CERKL: variants seen among roughly 807,000 people sequenced by gnomAD.
The protein encoded by CERKL is ceramide kinase-like protein.
Under a neutral mutation model 63.4 loss-of-function variants are expected in CERKL, and 61 were observed. That is an observed-to-expected ratio of 0.96 (90% CI 0.78 to 1.19). The LOEUF (loss-of-function observed/expected upper bound fraction) is 1.19. Ranked by LOEUF, CERKL falls within the 50% of genes most tolerant of loss-of-function variation. The pLI, the probability that CERKL is intolerant of heterozygous loss-of-function variation, is 0.00. For synonymous variants in CERKL, 250 were observed against 230.5 expected, an observed-to-expected ratio of 1.08 and a Z score of -0.77; for missense variants, 675 against 655.5, an observed-to-expected ratio of 1.03 and a Z score of -0.33.
intron 1 of CERKL, among the ~76,000 whole-genome samples, chr2:181,654,695 T>A (rs1283739149): frequency 3.3e-5 from 5 of 152,204 alleles, no homozygotes; most frequent in Admixed American, 1.3e-4. Flanking sequence ...ACCACTCACA[T>A]CTAAGCTTAT....
chr2:181,609,693 C>T (rs1262752237), intron 1 of CERKL, among the ~76,000 whole-genome samples: 1 of 151,724 alleles, frequency 6.6e-6, no homozygotes, highest in African/African-American at 2.4e-5. Flanking sequence ...GTGACTGAAA[C>T]TCTGTCTCTA....
chr2:181,541,113 G>A (rs1021654790), intron 11 of CERKL, among the ~76,000 whole-genome samples: 2 of 152,150 alleles, frequency 1.3e-5, no homozygotes, highest in South Asian at 2.1e-4. Context: ...AACTATATTT[G>A]GAGATAAGAT....
chr2:181,594,247 TAC>T (rs1685104096), intron 2 of CERKL, among the ~76,000 whole-genome samples: 1 of 152,226 alleles, frequency 6.6e-6, no homozygotes, highest in Non-Finnish European at 1.5e-5. Flanking sequence ...TAAGAAGAGT[TAC>T]AGTCTTCTTA....
chr2:181,629,473 C>T (rs1686857132), intron 1 of CERKL, among the ~76,000 whole-genome samples: 1 of 152,030 alleles, frequency 6.6e-6, no homozygotes, highest in East Asian at 1.9e-4. Flanking sequence ...CCTGGTAATC[C>T]TAAGAACTTT....
At chr2:181,545,218 A>G (rs762705412) in intron 10 of CERKL, among the ~76,000 whole-genome samples, 1 of 152,250 alleles carries the variant, frequency 6.6e-6, no homozygotes, top group Non-Finnish European at 1.5e-5. Flanking sequence ...CTAAAGTGTG[A>G]TTTAAATATT....
At chr2:181,644,745 G>A (rs1687597241) in intron 1 of CERKL, among the ~76,000 whole-genome samples, 1 of 152,106 alleles carries the variant, frequency 6.6e-6, no homozygotes, top group Non-Finnish European at 1.5e-5. Flanking sequence ...CAGTATAGGA[G>A]ATCCAATTAT....
rs146809071 is a variant in CERKL, at chr2:181,576,652, G to A, written c.482-2768C>T. The stretch of plus-strand genomic sequence containing the variant: ...GAAAGAAACACTCTGGCTGCTTTGC[G>A]GAAAGTAGATAAAGTAGGGCCAAGG... On this transcript the variant is annotated intron_variant, in intron 2 of 12. Transcript: ENST00000410087. 5.3e-3 allele frequency among the ~76,000 whole-genome samples: 803 copies of A among 152,286 alleles called. 22 individuals carry two copies. Among genetic ancestry groups the A allele is most frequent in the Admixed American group, 0.046 (698 of 15,298 alleles).
rs1426897832 is a variant in CERKL at position 181,657,008 on chromosome 2, G to A, written c.-2C>T. The A allele has an allele frequency of 5.7e-6, 9 of 1,578,962 alleles. No homozygotes were observed. The highest frequency in any genetic ancestry group is 2.7e-5 in the African/African-American group (2 of 73,954). On this transcript the variant is annotated 5_prime_UTR_variant, in exon 1 of 13. Transcript: ENST00000410087. ...GTTCCTGCGCCTCCTCCAGGGCATG[G>A]CGGAGTCGCAGGCTGGGCCCGAGCC...
intron 1 of CERKL, among the ~76,000 whole-genome samples, chr2:181,616,874 T>C (rs2105912280): frequency 6.6e-6 from 1 of 152,348 alleles, no homozygotes; most frequent in Middle Eastern, 3.4e-3. Flanking sequence ...GTGAATTAAG[T>C]AAATCTTTTC....
At chr2:181,655,862 TG>T (rs1409314050) in intron 1 of CERKL, among the ~76,000 whole-genome samples, 1 of 152,238 alleles carries the variant, frequency 6.6e-6, no homozygotes, top group Non-Finnish European at 1.5e-5. Flanking sequence ...CCATTTCATC[TG>T]TCTTTCACCG....
intron 1 of CERKL, among the ~76,000 whole-genome samples, chr2:181,632,594 C>T (rs762770135): frequency 6.6e-6 from 1 of 152,166 alleles, no homozygotes; most frequent in African/African-American, 2.4e-5. Context: ...ATTTTCTTCA[C>T]CCCCACGATA....
chr2:181,543,395 T>A (rs17226637), intron 11 of CERKL, among the ~76,000 whole-genome samples: 34,618 of 152,130 alleles, frequency 0.23, 4,707 homozygotes, highest in Non-Finnish European at 0.31. Flanking sequence ...ACCTACATTA[T>A]ACCTGCTGAT....
intron 3 of CERKL, among the ~76,000 whole-genome samples, chr2:181,573,120 TAA>T (rs746464764): frequency 2.6e-5 from 4 of 152,158 alleles, no homozygotes; most frequent in South Asian, 2.1e-4. Flanking sequence ...CATACGAAAA[TAA>T]GTCTCAAAGA....
intron 1 of CERKL, among the ~76,000 whole-genome samples, chr2:181,655,102 A>T (rs889223747): frequency 2.0e-5 from 3 of 152,246 alleles, no homozygotes; most frequent in Non-Finnish European, 4.4e-5. Flanking sequence ...ATGAAGGAAA[A>T]GACCACCAAA....
In CERKL at chr2:181,549,664, C is replaced by T. The variant is rs1430310916; in HGVS notation, c.865G>A (p.Val289Met). 2 of 1,612,498 alleles carry T rather than the reference C, an allele frequency of 1.2e-6. No homozygotes were observed. The highest frequency in any genetic ancestry group is 1.7e-6 in the Non-Finnish European group (2 of 1,178,796). The change falls in exon 6 of 13, where the codon GTG becomes ATG. Residue 289 changes from valine (V) to methionine (M), a missense_variant. By Grantham distance (21) the Val-to-Met change is conservative. Coordinates refer to ENST00000410087, the MANE Select transcript of CERKL (RefSeq NM_201548.5). ...LAHSLHGVPH[V>M]ITATLHIIMG... is the part of the protein sequence containing the mutation. ...ATAATGTGCAATGTTGCAGTTATCA[C>T]ATGAGGAACTCCATGAAGAGAATGT...
intron 1 of CERKL, among the ~76,000 whole-genome samples, chr2:181,630,456 G>A (rs1184403522): frequency 6.6e-6 from 1 of 152,162 alleles, no homozygotes; most frequent in Non-Finnish European, 1.5e-5. Flanking sequence ...CTAACCCCCA[G>A]TGTGACTGTA....
chr2:181,561,805 TTTTTTA>T (rs905999769), intron 4 of CERKL, among the ~76,000 whole-genome samples: 1 of 145,492 alleles, frequency 6.9e-6, no homozygotes, highest in African/African-American at 2.5e-5. Flanking sequence ...ATTTTTATAA[TTTTTTA>T]TTTTATTTTA....
At chr2:181,628,583 G>A (rs1686812483) in intron 1 of CERKL, among the ~76,000 whole-genome samples, 1 of 152,098 alleles carries the variant, frequency 6.6e-6, no homozygotes. Context: ...TTGGAATCCT[G>A]GAAACCTCTT....
At chr2:181,601,956 A>G (rs1171298053) in intron 2 of CERKL, among the ~76,000 whole-genome samples, 7 of 152,216 alleles carry the variant, frequency 4.6e-5, no homozygotes, top group African/African-American at 1.4e-4. Flanking sequence ...ACATTTTCAG[A>G]GGATGGTAGA....
Sources: allele counts gnomAD v4.1 joint callset (sites outside exome capture counted in the v4.1 genomes callset), GRCh38; gene constraint gnomAD v4.1.1; transcripts MANE v1.5; gene names NCBI Gene and HGNC (gene_info 2026-07-23, HGNC 2026-07-21).